Variants in MNAT1 observed in about 807,000 individuals in gnomAD.
The protein encoded by MNAT1 is CDK-activating kinase assembly factor MAT1.
Under a neutral mutation model 42.0 loss-of-function variants are expected in MNAT1, and 43 were observed. The observed-to-expected ratio is 1.02, with a 90% confidence interval of 0.80 to 1.32. MNAT1 has a LOEUF of 1.32. Among genes scored for constraint, MNAT1 ranks in the 40% most tolerant of loss-of-function variants. The pLI is 0.00. For synonymous variants in MNAT1, 118 were observed against 120.0 expected (o/e 0.98, Z 0.11); for missense variants, 306 against 350.4 (o/e 0.87, Z 1.01).
At chr14:60,889,670 C>T (rs1383547494) in intron 7 of MNAT1, among the ~76,000 whole-genome samples, 1 of 152,080 alleles carries the variant, frequency 6.6e-6, no homozygotes, top group Non-Finnish European at 1.5e-5. Context: ...AGGCAACCTA[C>T]AAAATGGGAG....
chr14:60,816,524 G>T (rs1293766834), intron 5 of MNAT1, among the ~76,000 whole-genome samples: 1 of 151,844 alleles, frequency 6.6e-6, no homozygotes, highest in Admixed American at 6.6e-5. Flanking sequence ...TTTTAAAAAT[G>T]GTCATTATAA....
chr14:60,812,497 G>A (rs971581682), intron 5 of MNAT1, among the ~76,000 whole-genome samples: 5 of 152,132 alleles, frequency 3.3e-5, no homozygotes, highest in Non-Finnish European at 7.3e-5. Flanking sequence ...TCTCCATGTT[G>A]AAGACAGTTT....
At chr14:60,791,286 CTTTT>C (rs2031807731) in intron 1 of MNAT1, among the ~76,000 whole-genome samples, 2 of 152,018 alleles carry the variant, frequency 1.3e-5, no homozygotes, top group South Asian at 4.1e-4. Context: ...GGTAAACATG[CTTTT>C]TTAAATTTTG....
intron 7 of MNAT1, among the ~76,000 whole-genome samples, chr14:60,963,156 AT>A (rs1370305453): frequency 6.6e-6 from 1 of 151,680 alleles, no homozygotes; most frequent in Non-Finnish European, 1.5e-5. Flanking sequence ...TAATTTTTGT[AT>A]TTTTAGTAGA....
chr14:60,903,874 T>TTC (rs2035130421), intron 7 of MNAT1, among the ~76,000 whole-genome samples: 1 of 150,144 alleles, frequency 6.7e-6, no homozygotes, highest in Non-Finnish European at 1.5e-5. Flanking sequence ...AGTTTTTTTT[T>TTC]TTTTTTTTTT....
intron 6 of MNAT1, among the ~76,000 whole-genome samples, chr14:60,848,298 T>A (rs565378651): frequency 2.9e-4 from 44 of 152,322 alleles, no homozygotes; most frequent in African/African-American, 8.9e-4. Context: ...CCATTGTGTG[T>A]GATAAGTATT....
intron 1 of MNAT1, among the ~76,000 whole-genome samples, chr14:60,776,611 G>A (rs2031261652): frequency 6.6e-6 from 1 of 152,102 alleles, no homozygotes; most frequent in Non-Finnish European, 1.5e-5. Context: ...GGCCATAACT[G>A]AGGATAAAGA....
chr14:60,761,902 A>G (rs887653591), intron 1 of MNAT1, among the ~76,000 whole-genome samples: 2 of 152,084 alleles, frequency 1.3e-5, no homozygotes, highest in African/African-American at 2.4e-5. Context: ...TATTTAACCT[A>G]TTTTGTGTGG....
At chr14:60,750,563 G>C (rs2030042900) in intron 1 of MNAT1, among the ~76,000 whole-genome samples, 1 of 147,938 alleles carries the variant, frequency 6.8e-6, no homozygotes, top group South Asian at 2.1e-4. Flanking sequence ...GAAACAAGGA[G>C]GAAAAGGAAA....
chr14:60,964,017 A>G (rs2036641014), intron 7 of MNAT1, among the ~76,000 whole-genome samples: 2 of 152,190 alleles, frequency 1.3e-5, no homozygotes, highest in Admixed American at 1.3e-4. Flanking sequence ...AGCTGAGTCC[A>G]AGACTTCAGC....
At chr14:60,872,869 C>CACAT (rs1006134171) in intron 6 of MNAT1, among the ~76,000 whole-genome samples, 18 of 139,212 alleles carry the variant, frequency 1.3e-4, no homozygotes, top group African/African-American at 4.3e-4. Context: ...CACACACACA[C>CACAT]ATATATATAT....
At chr14:60,923,283 C>A (rs943119244) in intron 7 of MNAT1, among the ~76,000 whole-genome samples, 1 of 152,124 alleles carries the variant, frequency 6.6e-6, no homozygotes, top group African/African-American at 2.4e-5. Context: ...AGTGAGACCC[C>A]AGAATTTCAT....
chr14:60,955,358 T>TA (rs561855468), intron 7 of MNAT1, among the ~76,000 whole-genome samples: 22 of 149,364 alleles, frequency 1.5e-4, no homozygotes, highest in East Asian at 5.9e-4. Context: ...TTAATGACAT[T>TA]AAAAAAAAAA....
chr14:60,902,321 A>G (rs542336356), intron 7 of MNAT1, among the ~76,000 whole-genome samples: 3 of 152,312 alleles, frequency 2.0e-5, no homozygotes, highest in African/African-American at 7.2e-5. Context: ...TGATGGTCCT[A>G]TTTATACCCA....
At chr14:60,959,832 T>C (rs961453824) in intron 7 of MNAT1, among the ~76,000 whole-genome samples, 11 of 152,186 alleles carry the variant, frequency 7.2e-5, no homozygotes, top group Non-Finnish European at 1.6e-4. Flanking sequence ...TTTGTCATAT[T>C]TACATATTCC....
At chr14:60,763,084 T>TC (rs1264821255) in intron 1 of MNAT1, among the ~76,000 whole-genome samples, 2 of 152,162 alleles carry the variant, frequency 1.3e-5, no homozygotes, top group Non-Finnish European at 2.9e-5. Context: ...CACTGCAGAT[T>TC]CATACCTGGC....
chr14:60,771,252 C>A (rs1258597973), intron 1 of MNAT1, among the ~76,000 whole-genome samples: 1 of 151,918 alleles, frequency 6.6e-6, no homozygotes, highest in Non-Finnish European at 1.5e-5. Context: ...AAAAAAAATT[C>A]AGATGTGAAG....
intron 6 of MNAT1, among the ~76,000 whole-genome samples, chr14:60,829,450 A>T (rs1443379028): frequency 6.6e-6 from 1 of 152,198 alleles, no homozygotes; most frequent in Non-Finnish European, 1.5e-5. Flanking sequence ...TTCACAAATA[A>T]TGAATTATAC....
At chr14:60,766,243 G>C in intron 1 of MNAT1, among the ~76,000 whole-genome samples, 1 of 151,694 alleles carries the variant, frequency 6.6e-6, no homozygotes, top group East Asian at 1.9e-4. Flanking sequence ...AGCTACTTGG[G>C]AGGCGTAGAC....
Sources: allele counts gnomAD v4.1 joint callset (sites outside exome capture counted in the v4.1 genomes callset), GRCh38; gene constraint gnomAD v4.1.1; transcripts MANE v1.5; gene names NCBI Gene and HGNC (gene_info 2026-07-23, HGNC 2026-07-21).